TVP23A: variants seen among roughly 807,000 people sequenced by gnomAD.
TVP23A encodes trans-golgi network vesicle protein 23 homolog A.
Under a neutral mutation model 31.7 loss-of-function variants are expected in TVP23A, and 21 were observed. The observed-to-expected ratio is 0.66, with a 90% CI of 0.47 to 0.95. The LOEUF is 0.95. TVP23A is among the 40% of genes least tolerant of loss of function. TVP23A has a pLI of 0.00. For missense variants in TVP23A, 279 were observed against 255.6 expected (o/e 1.09, Z -0.62); for synonymous variants, 104 against 96.0 (o/e 1.08, Z -0.49).
intron 2 of TVP23A, among the ~76,000 whole-genome samples, chr16:10,784,582 A>T (rs1257385821): frequency 6.6e-6 from 1 of 151,820 alleles, no homozygotes; most frequent in Non-Finnish European, 1.5e-5. Context: ...ATAAATAAAG[A>T]AGAAAGAAAG....
At chr16:10,791,929 TAC>T (rs1405928493) in intron 2 of TVP23A, among the ~76,000 whole-genome samples, 41 of 152,346 alleles carry the variant, frequency 2.7e-4, no homozygotes, top group African/African-American at 9.9e-4. Context: ...CAGCCATGTG[TAC>T]AGTAAGAAGC....
chr16:10,811,613 T>G (rs192560885), intron 2 of TVP23A, among the ~76,000 whole-genome samples: 1 of 151,204 alleles, frequency 6.6e-6, no homozygotes, highest in African/African-American at 2.4e-5. Context: ...CACACACACA[T>G]ACACTGACAC....
intron 2 of TVP23A, 200 bp from the exon 3 acceptor site, chr16:10,775,296 A>G (rs2031929791): frequency 1.4e-6 from 2 of 1,402,952 alleles, no homozygotes; most frequent in Non-Finnish European, 1.8e-6. Context: ...TCATGCTGAC[A>G]CTGTTTTTTT....
chr16:10,793,533 A>G (rs1051467532), intron 2 of TVP23A, among the ~76,000 whole-genome samples: 2 of 152,096 alleles, frequency 1.3e-5, no homozygotes, highest in African/African-American at 4.8e-5. Context: ...TCTGGTACCA[A>G]TTTCTAACTT....
intron 5 of TVP23A, 90 bp downstream of exon 5, chr16:10,773,223 T>G: frequency 7.0e-7 from 1 of 1,432,682 alleles, no homozygotes; most frequent in South Asian, 1.4e-5. Flanking sequence ...GATCAATCAA[T>G]CAATAACAAA....
chr16:10,816,085 T>C (rs1049068215), intron 2 of TVP23A, among the ~76,000 whole-genome samples: 3 of 152,002 alleles, frequency 2.0e-5, no homozygotes, highest in African/African-American at 7.2e-5. Context: ...AAAATTAGCC[T>C]GGCATGGTGG....
At position 10,815,295 on chromosome 16, in the gene TVP23A, C is replaced by T. The variant is rs1596589736; in HGVS notation, c.89+2808G>A. On this transcript the variant is annotated intron_variant, in intron 2 of 7. Transcript: ENST00000299866. ...AGCGTGGTGGCGTGCACCTGCAGTC[C>T]CAGCTACTTGGGAGACTGAGGCGGG... Among the ~76,000 whole-genome samples the T allele has an allele frequency of 2.6e-5, 4 of 152,214 alleles. No homozygotes were observed. In the South Asian group the frequency reaches 8.3e-4, roughly 32 times the overall value.
intron 2 of TVP23A, among the ~76,000 whole-genome samples, chr16:10,810,886 T>G (rs561795266): frequency 1.3e-5 from 2 of 152,320 alleles, no homozygotes; most frequent in Admixed American, 1.3e-4. Context: ...CTGCTGCTTG[T>G]GGATGGCAGA....
rs1596511492 is a variant in TVP23A at position 10,779,491 on chromosome 16, G to A, written c.90-4395C>T. ...CACCACCAATCACCTCCAGTTCCCA[G>A]TGCCATTGCTCTCTAACTCCGCCCT... On this transcript the variant is annotated intron_variant, in intron 2 of 7. Coordinates refer to ENST00000299866, the MANE Select transcript of TVP23A (RefSeq NM_001079512.4). This position sits in a 1 kb window ranked among gnomAD's most constrained non-coding sequence, Gnocchi z 4.9. Among the ~76,000 whole-genome samples the A allele has an allele frequency of 6.6e-6, 1 of 152,124 alleles. No homozygotes were observed. The highest frequency in any genetic ancestry group is 2.1e-4 in the South Asian group (1 of 4,824).
At chr16:10,773,771 A>G (rs2031800489) in intron 4 of TVP23A, among the ~76,000 whole-genome samples, 1 of 151,984 alleles carries the variant, frequency 6.6e-6, no homozygotes, top group South Asian at 2.1e-4. Flanking sequence ...GGGTTTCACC[A>G]TGTTGCCCAG....
rs1334700302 is a variant in TVP23A, at chr16:10,818,764, G to C, written c.-271C>G. The C allele has an allele frequency of 1.4e-5, 7 of 484,756 alleles. No individual in the cohort carries two copies. Among genetic ancestry groups the C allele is most frequent in the South Asian group, 6.8e-5 (2 of 29,288 alleles). 30.0% of individuals were successfully genotyped at this position (484,756 alleles called of 1,614,324 possible). A position where few individuals can be genotyped will look rare whatever the true frequency, so the allele number is the denominator to read the frequency against. On this transcript the variant is annotated 5_prime_UTR_variant, in exon 1 of 8. Coordinates refer to ENST00000299866, the MANE Select transcript of TVP23A (RefSeq NM_001079512.4). This position sits in a 1 kb window ranked among gnomAD's most constrained non-coding sequence, Gnocchi z 4.7. ...GCGGCGGCAGGGAGGCAACGGCCTG[G>C]GGAACTGCGGACAGAGATAGTGGGA...
At chr16:10,764,366 A>C (rs994482111), downstream of TVP23A, among the ~76,000 whole-genome samples, 2 of 151,636 alleles carry the variant, frequency 1.3e-5, no homozygotes, top group Non-Finnish European at 2.9e-5. Context: ...AGTCTGCTGG[A>C]GTATGCCAGT....
In TVP23A at chr16:10,777,906, G is replaced by A. The variant is rs2032160383; in HGVS notation, c.90-2810C>T. 6.6e-6 allele frequency among the ~76,000 whole-genome samples: 1 copy of A among 152,260 alleles called. No individual in the cohort carries two copies. The highest frequency in any genetic ancestry group is 1.5e-5 in the Non-Finnish European group (1 of 68,032). On this transcript the variant is annotated intron_variant, in intron 2 of 7. Transcript: ENST00000299866. This position sits in a 1 kb window ranked among gnomAD's most constrained non-coding sequence, Gnocchi z 4.5. ...GGCGCCTGTAGTCCCAGCTACTCGG[G>A]ACGCTGAGGCAGGAGAATTGCTTGA... is the stretch of plus-strand genomic sequence containing the variant.
chr16:10,808,705 G>C (rs2034057272), intron 2 of TVP23A: 1 of 357,946 alleles, frequency 2.8e-6, no homozygotes, highest in South Asian at 2.1e-5. Context: ...TGAGCTCAGG[G>C]GGTTGAGGCT....
chr16:10,802,667 A>T (rs2033758584), intron 2 of TVP23A, among the ~76,000 whole-genome samples: 1 of 152,136 alleles, frequency 6.6e-6, no homozygotes. Context: ...TTCAAAGTAA[A>T]AAGTTTTTTT....
chr16:10,774,153 T>TA, intron 3 of TVP23A, 25 bp from the exon 4 acceptor site: 1 of 1,572,472 alleles, frequency 6.4e-7, no homozygotes. Context: ...CAAAGGACTC[T>TA]GAGCAGGTCA....
intron 2 of TVP23A, among the ~76,000 whole-genome samples, chr16:10,782,777 T>C (rs56840734): frequency 0.036 from 5,450 of 152,258 alleles, 319 homozygotes; most frequent in African/African-American, 0.12. Flanking sequence ...GTGCTACAAT[T>C]ACAGGTGTGA....
chr16:10,789,542 A>T (rs576549919), intron 2 of TVP23A, among the ~76,000 whole-genome samples: 11 of 151,762 alleles, frequency 7.2e-5, no homozygotes, highest in Admixed American at 7.2e-4. Flanking sequence ...CAAGATATAC[A>T]TTGGGGCTGG....
At chr16:10,783,947 C>A (rs2032576465) in intron 2 of TVP23A, among the ~76,000 whole-genome samples, 1 of 152,070 alleles carries the variant, frequency 6.6e-6, no homozygotes, top group Non-Finnish European at 1.5e-5. Context: ...GGGAGGGATG[C>A]ATAGGTGGAG....
Sources: gnomAD v4.1 joint callset for allele counts (sites outside exome capture counted in the v4.1 genomes callset) on GRCh38, gnomAD v4.1.1 for gene constraint, Gnocchi (gnomAD v3.1) non-coding constraint, MANE v1.5 for transcripts, NCBI Gene and HGNC (gene_info 2026-07-23, HGNC 2026-07-21) for gene names.